The following SLC14A2 variants were observed in gnomAD, a reference collection of about 807,000 sequenced individuals.
SLC14A2 encodes solute carrier family 14 member 2.
In SLC14A2, 91 loss-of-function variants were observed where a neutral mutation model predicts 104.6. The observed-to-expected ratio is 0.87, with a 90% CI of 0.73 to 1.04. The LOEUF (loss-of-function observed/expected upper bound fraction) is 1.04, where lower values mean the gene tolerates loss of function less well. Ranked by LOEUF, SLC14A2 falls within the 50% of genes least tolerant of loss-of-function variation. The probability of loss-of-function intolerance (pLI) is 0.00; values close to 1 mark genes in which losing one functional copy is unlikely to be tolerated. For missense variants in SLC14A2, 1,189 were observed against 1,156.0 expected (o/e 1.03, Z -0.41); for synonymous variants, 476 against 466.4 (o/e 1.02, Z -0.27).
chr18:45,284,624 A>T (rs765855191), intron 1 of SLC14A2, among the ~76,000 whole-genome samples: 1 of 151,948 alleles, frequency 6.6e-6, no homozygotes, highest in African/African-American at 2.4e-5. Flanking sequence ...TCATCTCCCC[A>T]TTTCACTTTT....
In SLC14A2 at chr18:45,301,895, C is replaced by G. The variant is rs1005463991; in HGVS notation, c.-125+88704C>G. 2.0e-5 allele frequency among the ~76,000 whole-genome samples: 3 copies of G among 152,138 alleles called. No homozygotes were observed. The South Asian group carries it at 6.2e-4, about 32-fold the overall frequency. On this transcript the variant is annotated intron_variant, in intron 1 of 20. Transcript: ENST00000586448. ...CACCATCATGCTTTTACTTATGATT[C>G]TCTCCTAAGTCTATCCTCCTCTTTT...
At chr18:45,398,239 C>T (rs1373814762) in intron 1 of SLC14A2, among the ~76,000 whole-genome samples, 2 of 152,176 alleles carry the variant, frequency 1.3e-5, no homozygotes, top group Non-Finnish European at 2.9e-5. Context: ...TTTTCATCAA[C>T]TTCTCTTCTT....
At chr18:45,469,197 G>C (rs1169622621) in intron 1 of SLC14A2, among the ~76,000 whole-genome samples, 1 of 152,246 alleles carries the variant, frequency 6.6e-6, no homozygotes, top group South Asian at 2.1e-4. Context: ...AGGATGGTCA[G>C]TGTGGATGGA....
upstream of SLC14A2, among the ~76,000 whole-genome samples, chr18:45,209,514 C>T (rs2083944642): frequency 6.6e-6 from 1 of 150,828 alleles, no homozygotes; most frequent in Non-Finnish European, 1.5e-5. Context: ...ATTTTCTGAA[C>T]ATTTTAAAGT....
chr18:45,385,327 G>GT (rs56140545), intron 1 of SLC14A2, among the ~76,000 whole-genome samples: 1 of 152,240 alleles, frequency 6.6e-6, no homozygotes, highest in African/African-American at 2.4e-5. Context: ...CACTAAGGGA[G>GT]TTGGGCTGCT....
chr18:45,553,963 T>G (rs1214796108), intron 2 of SLC14A2, among the ~76,000 whole-genome samples: 1 of 152,254 alleles, frequency 6.6e-6, no homozygotes, highest in East Asian at 1.9e-4. Context: ...TATGCTGTGC[T>G]GCAAGATCAT....
chr18:45,498,524 A>G (rs1168010548), intron 2 of SLC14A2, among the ~76,000 whole-genome samples: 1 of 152,160 alleles, frequency 6.6e-6, no homozygotes, highest in Non-Finnish European at 1.5e-5. Context: ...CGGTAGATGA[A>G]ATTGGCAGGA....
intron 1 of SLC14A2, among the ~76,000 whole-genome samples, chr18:45,391,589 T>A (rs2144414481): frequency 6.6e-6 from 1 of 152,296 alleles, no homozygotes; most frequent in East Asian, 1.9e-4. Flanking sequence ...CAGCACCTGT[T>A]GTTTCCTGAC....
intron 1 of SLC14A2, among the ~76,000 whole-genome samples, chr18:45,461,829 G>C (rs1391506162): frequency 6.6e-6 from 1 of 152,200 alleles, no homozygotes; most frequent in Non-Finnish European, 1.5e-5. Flanking sequence ...ATTTATAAAA[G>C]ATTGCAACTC....
chr18:45,482,943 A>G (rs1169005708), intron 1 of SLC14A2, among the ~76,000 whole-genome samples: 2 of 152,216 alleles, frequency 1.3e-5, no homozygotes, highest in Non-Finnish European at 2.9e-5. Context: ...ACAAAACAGC[A>G]AGGACAATAG....
intron 1 of SLC14A2, among the ~76,000 whole-genome samples, chr18:45,361,970 CTG>C (rs1384403056): frequency 6.6e-6 from 1 of 152,172 alleles, no homozygotes; most frequent in Non-Finnish European, 1.5e-5. Context: ...TGGTTGGGCT[CTG>C]TGTTCCCACC....
Position 45,371,733 on chromosome 18 carries a change from A to G in SLC14A2, c.-124-111500A>G, listed in dbSNP as rs146485394. ...AATGCCCATTGTGCAAATCTAGCCC[A>G]GAGAAGAAGCTCAAAAGCCAGTTGT... On this transcript the variant is annotated intron_variant, in intron 1 of 20. Coordinates refer to the SLC14A2 transcript ENST00000586448. Among the ~76,000 whole-genome samples, 555 of 152,340 alleles carry G rather than the reference A, an allele frequency of 3.6e-3. 3 individuals are homozygous for G. The highest frequency in any genetic ancestry group is 4.6e-3 in the Non-Finnish European group (312 of 68,032).
chr18:45,437,778 T>C (rs975983361), intron 1 of SLC14A2, among the ~76,000 whole-genome samples: 2 of 152,220 alleles, frequency 1.3e-5, no homozygotes, highest in African/African-American at 4.8e-5. Context: ...CAAAAATCAC[T>C]TGTTGTTTCC....
the SLC14A2 span, among the ~76,000 whole-genome samples, chr18:45,194,383 A>G: frequency 6.6e-6 from 1 of 152,158 alleles, no homozygotes; most frequent in Non-Finnish European, 1.5e-5. Context: ...TTCCTAATTT[A>G]TGACAGTTAT....
intron 1 of SLC14A2, among the ~76,000 whole-genome samples, chr18:45,439,171 TG>T (rs1341357926): frequency 1.3e-5 from 2 of 152,198 alleles, no homozygotes; most frequent in East Asian, 3.9e-4. Context: ...CCTAGCTACT[TG>T]GGAGGCTGAG....
chr18:45,385,585 G>A (rs1322600255), intron 1 of SLC14A2, among the ~76,000 whole-genome samples: 2 of 152,178 alleles, frequency 1.3e-5, no homozygotes, highest in African/African-American at 2.4e-5. Flanking sequence ...GTCAGGTGCT[G>A]AATATTTTAT....
chr18:45,379,599 T>C (rs907047203), intron 1 of SLC14A2, among the ~76,000 whole-genome samples: 1 of 152,212 alleles, frequency 6.6e-6, no homozygotes, highest in Non-Finnish European at 1.5e-5. Context: ...TTTAAAATGC[T>C]CAGTCTGGAT....
At chr18:45,224,960 TAG>T (rs1284442126) in intron 1 of SLC14A2, among the ~76,000 whole-genome samples, 1 of 152,228 alleles carries the variant, frequency 6.6e-6, no homozygotes. Flanking sequence ...ACTCTGATGG[TAG>T]TTTCTTTTGC....
chr18:45,231,896 ATAAG>A (rs1216834621), intron 1 of SLC14A2, among the ~76,000 whole-genome samples: 1 of 152,196 alleles, frequency 6.6e-6, no homozygotes, highest in Non-Finnish European at 1.5e-5. Flanking sequence ...CTTCAAATAA[ATAAG>A]TATGTGTGTG....
Sources: gnomAD v4.1 joint callset for allele counts (sites outside exome capture counted in the v4.1 genomes callset) on GRCh38, gnomAD v4.1.1 for gene constraint, MANE v1.5 for transcripts, NCBI Gene and HGNC (gene_info 2026-07-23, HGNC 2026-07-21) for gene names.